PLCB4: variants seen among roughly 807,000 people sequenced by gnomAD.
The protein encoded by PLCB4 is phospholipase C beta 4, also known as 1-phosphatidylinositol 4,5-bisphosphate phosphodiesterase beta-4.
A neutral mutation model predicts 178.8 loss-of-function variants in PLCB4; 77 were observed. That is an observed-to-expected ratio of 0.43 (90% CI 0.36 to 0.52). The LOEUF (loss-of-function observed/expected upper bound fraction) is 0.52. Ranked by LOEUF, PLCB4 falls within the 20% of genes least tolerant of loss-of-function variation. PLCB4 has a pLI of 0.00. For missense variants in PLCB4, 1,024 were observed against 1,453.4 expected (o/e 0.70, Z 4.80); for synonymous variants, 496 against 490.8 (o/e 1.01, Z -0.14).
In PLCB4 at chr20:9,246,562, CT is replaced by C. The variant is rs923029813; in HGVS notation, c.-16+29121del. 1.2e-3 allele frequency among the ~76,000 whole-genome samples: 177 copies of C among 146,712 alleles called. 2 individuals are homozygous for C. The highest frequency in any genetic ancestry group is 9.1e-3 in the Admixed American group (134 of 14,666). ...GTCTAAGTACAATTGTCATATAGCA[CT>C]TTTTTTTTTTGGTAAGGCTTTGGCA... On this transcript the variant is annotated intron_variant, in intron 3 of 39. Transcript: ENST00000378473.
In PLCB4 at chr20:9,427,316, C is replaced by T. The variant is rs144824450; in HGVS notation, c.2524+3364C>T. Among the ~76,000 whole-genome samples the T allele has an allele frequency of 2.1e-4, 32 of 151,884 alleles. No individual in the cohort carries two copies. The East Asian group carries it at 5.6e-3, about 27-fold the overall frequency. On this transcript the variant is annotated intron_variant, in intron 28 of 39. Transcript: ENST00000378473. ...ACCATGAGTTCTGAACCCTTCCTGG[C>T]TGTTTCTAAGCAGCCCAGATGCAAA...
At position 9,479,055 on chromosome 20, in the gene PLCB4, G is replaced by T; in HGVS notation, c.*46G>T. 1 of 1,294,864 alleles carries T rather than the reference G, an allele frequency of 7.7e-7. No homozygotes were observed. Among genetic ancestry groups the T allele is most frequent in the South Asian group, 1.2e-5 (1 of 82,904 alleles). 80.2% of individuals were successfully genotyped at this position (1,294,864 alleles called of 1,614,324 possible). A position where few individuals can be genotyped will look rare whatever the true frequency, so the allele number is the denominator to read the frequency against. ...TCAAAAGACTCACTCACAAACTTCT[G>T]AACACAAACTCCATGGATGAAAGCT... On this transcript the variant is annotated 3_prime_UTR_variant, in exon 40 of 40. Coordinates refer to ENST00000378473, the MANE Select transcript of PLCB4 (RefSeq NM_001377142.1).
At chr20:9,347,456 A>G (rs148137617) in intron 7 of PLCB4, among the ~76,000 whole-genome samples, 94 of 152,326 alleles carry the variant, frequency 6.2e-4, no homozygotes, top group Non-Finnish European at 9.3e-4. Flanking sequence ...CACTTGCACT[A>G]AAGTGAATGC....
At chr20:9,103,810 A>T (rs1056395235) in intron 2 of PLCB4, among the ~76,000 whole-genome samples, 1 of 152,196 alleles carries the variant, frequency 6.6e-6, no homozygotes, top group African/African-American at 2.4e-5. Flanking sequence ...CAGAGAAATA[A>T]CTAAGAGGCT....
At position 9,205,499 on chromosome 20, in the gene PLCB4, A is replaced by G. The variant is rs377678912; in HGVS notation, c.-78-11891A>G. ...TAATTACAGAGTCATATGCAGTTGT[A>G]AAATATAATACAGAGAAATCTCATA... On this transcript the variant is annotated intron_variant, in intron 2 of 39. Coordinates refer to ENST00000378473, the MANE Select transcript of PLCB4 (RefSeq NM_001377142.1). Among the ~76,000 whole-genome samples, 16 of 152,352 alleles carry G rather than the reference A, an allele frequency of 1.1e-4. No homozygotes were observed. The East Asian group carries it at 2.1e-3, about 20-fold the overall frequency.
intron 2 of PLCB4, among the ~76,000 whole-genome samples, chr20:9,098,741 A>ATATGTGTG (rs139418572): frequency 6.6e-5 from 9 of 135,480 alleles, no homozygotes; most frequent in African/African-American, 1.4e-4. Context: ...ATATACATAT[A>ATATGTGTG]TGTGTGTGTG....
At chr20:9,347,834 C>T (rs1033229495) in intron 7 of PLCB4, among the ~76,000 whole-genome samples, 4 of 152,214 alleles carry the variant, frequency 2.6e-5, no homozygotes, top group East Asian at 3.9e-4. Context: ...ATTAGCCAGG[C>T]GTGGTGGCCC....
chr20:9,272,047 T>C (rs1601541713), intron 3 of PLCB4, among the ~76,000 whole-genome samples: 1 of 151,440 alleles, frequency 6.6e-6, no homozygotes. Flanking sequence ...CGTGGTGGCA[T>C]GCACCTAATA....
chr20:9,321,626 GGTTTTTT>G (rs933207657), intron 4 of PLCB4, among the ~76,000 whole-genome samples: 5 of 151,980 alleles, frequency 3.3e-5, no homozygotes, highest in African/African-American at 9.6e-5. Flanking sequence ...GGCTTTTTTA[GGTTTTTT>G]GTTTTTTGTT....
At chr20:9,266,800 C>G (rs572379164) in intron 3 of PLCB4, among the ~76,000 whole-genome samples, 1 of 151,974 alleles carries the variant, frequency 6.6e-6, no homozygotes, top group Non-Finnish European at 1.5e-5. Flanking sequence ...TGCTACATTT[C>G]TATATTTGTG....
At chr20:9,371,348 C>A in intron 10 of PLCB4, 53 bp downstream of exon 10, 1 of 946,430 alleles carries the variant, frequency 1.1e-6, no homozygotes, top group South Asian at 1.4e-5. Context: ...TATTTATCTT[C>A]TCATATGTAA....
intron 2 of PLCB4, among the ~76,000 whole-genome samples, chr20:9,109,143 C>T (rs2091484842): frequency 6.6e-6 from 1 of 152,238 alleles, no homozygotes; most frequent in Non-Finnish European, 1.5e-5. Context: ...GCACGATCTT[C>T]AGAGCAGAGA....
chr20:9,318,174 A>G (rs1475686195), intron 4 of PLCB4, among the ~76,000 whole-genome samples: 1 of 152,118 alleles, frequency 6.6e-6, no homozygotes, highest in African/African-American at 2.4e-5. Context: ...ATAAATAAAA[A>G]TAAAAGAGTT....
chr20:9,296,006 T>C (rs1160088593), intron 3 of PLCB4, among the ~76,000 whole-genome samples: 1 of 152,036 alleles, frequency 6.6e-6, no homozygotes, highest in African/African-American at 2.4e-5. Flanking sequence ...AATTGACAAA[T>C]GGGATCTAAT....
chr20:9,188,595 C>A (rs6056460), intron 2 of PLCB4, among the ~76,000 whole-genome samples: 9 of 40,166 alleles, frequency 2.2e-4, no homozygotes, highest in African/African-American at 1.6e-3. Context: ...GGTTGGTTAA[C>A]TGTTCATTGT....
intron 2 of PLCB4, among the ~76,000 whole-genome samples, chr20:9,173,236 C>T (rs535977269): frequency 9.1e-4 from 138 of 152,296 alleles, no homozygotes; most frequent in Non-Finnish European, 1.4e-3. Context: ...ATTGGACCTA[C>T]TCAATAAGAA....
chr20:9,385,606 C>T (rs1481525516), intron 14 of PLCB4, among the ~76,000 whole-genome samples: 1 of 148,600 alleles, frequency 6.7e-6, no homozygotes, highest in African/African-American at 2.5e-5. Context: ...AGGCGCTCCT[C>T]ACATCCCAGA....
intron 28 of PLCB4, 60 bp downstream of exon 28, chr20:9,424,012 T>C (rs903598610): frequency 6.4e-6 from 7 of 1,092,578 alleles, no homozygotes; most frequent in Admixed American, 1.8e-5. Flanking sequence ...TATAAGATTA[T>C]AAAACATCTT....
chr20:9,282,150 A>G (rs1040998027), intron 3 of PLCB4, among the ~76,000 whole-genome samples: 4 of 151,956 alleles, frequency 2.6e-5, no homozygotes, highest in Non-Finnish European at 5.9e-5. Flanking sequence ...TAGACACACA[A>G]CTTTGTTATC....
Sources: allele counts gnomAD v4.1 joint callset (sites outside exome capture counted in the v4.1 genomes callset), GRCh38; gene constraint gnomAD v4.1.1; transcripts MANE v1.5; gene names NCBI Gene and HGNC (gene_info 2026-07-23, HGNC 2026-07-21).